The following TSPOAP1 variants were observed in gnomAD, a reference collection of about 807,000 sequenced individuals.
The protein encoded by TSPOAP1 is peripheral-type benzodiazepine receptor-associated protein 1.
TSPOAP1 carries 87 observed loss-of-function variants against 197.0 expected under a neutral mutation model. The ratio of observed to expected loss-of-function variants is 0.44; its 90% CI spans 0.37 to 0.53. The LOEUF is 0.53. Among genes scored for constraint, TSPOAP1 ranks in the 20% least tolerant of loss-of-function variants. The pLI, the probability that TSPOAP1 is intolerant of heterozygous loss-of-function variation, is 0.00. For missense variants in TSPOAP1, 2,174 were observed against 2,411.3 expected, an observed-to-expected ratio of 0.90 and a Z score of 2.06; for synonymous variants, 913 against 998.9, an observed-to-expected ratio of 0.91 and a Z score of 1.62.
intron 16 of TSPOAP1, among the ~76,000 whole-genome samples, chr17:58,315,074 T>C (rs898863159): frequency 6.6e-6 from 1 of 151,628 alleles, no homozygotes; most frequent in Non-Finnish European, 1.5e-5. Context: ...TTGGGTGGGG[T>C]TTTTTTTTCT....
At chr17:58,323,684 G>A (rs187970366) in intron 5 of TSPOAP1, 139 bp from the exon 6 acceptor site, 2 of 830,158 alleles carry the variant, frequency 2.4e-6, no homozygotes, top group Middle Eastern at 3.5e-4. Flanking sequence ...GAGCAAAGAG[G>A]GGTACTGTCT....
Position 58,311,020 on chromosome 17 carries a change from G to A in TSPOAP1, c.3275C>T (p.Pro1092Leu), listed in dbSNP as rs750946221. ...CGCTCTGGCCTCTGGGCTTGGGTGC[G>A]GTGAGGGGCAGGAGACTCGGGCTGG... ...SLPARVSCPS[P>L]HPSPEARAPL... is the part of the protein sequence containing the mutation. The change falls in exon 19 of 32, where the codon CCG becomes CTG. Residue 1092 changes from proline to leucine, a missense_variant. Physicochemically the swap from Pro to Leu is moderately conservative, Grantham distance 98 (BLOSUM62 -3). This residue lies in a region of TSPOAP1 where 1,933 missense variants were observed against 2,139.0 expected (regional missense o/e 0.90). Coordinates refer to ENST00000343736, the MANE Select transcript of TSPOAP1 (RefSeq NM_004758.4). 2.3e-5 allele frequency: 37 copies of A among 1,595,414 alleles called. No individual in the cohort carries two copies. Among genetic ancestry groups the A allele is most frequent in the Middle Eastern group, 1.8e-4 (1 of 5,700 alleles).
At position 58,304,962 on chromosome 17, in the gene TSPOAP1, C is replaced by G. The variant is rs1483288861; in HGVS notation, c.5544+99G>C. 1.1e-6 allele frequency: 1 copy of G among 908,156 alleles called. No homozygotes were observed. The highest frequency in any genetic ancestry group is 1.8e-6 in the Non-Finnish European group (1 of 542,240). The allele number at this position is 908,156 out of a possible 1,614,324, so 56.3% of individuals were successfully genotyped here. On this transcript the variant is annotated intron_variant, in intron 30 of 31. Transcript: ENST00000343736. This position sits in a 1 kb window ranked among gnomAD's most constrained non-coding sequence, Gnocchi z 4.2. The stretch of plus-strand genomic sequence containing the variant: ...TGGACACAGTGCTTACCTGCATGAC[C>G]ACCCCAGCTGCACCCCTGCCGCAAC...
At position 58,309,202 on chromosome 17, in the gene TSPOAP1, G is replaced by A. The variant is rs1198271052; in HGVS notation, c.4070C>T (p.Pro1357Leu). 1.9e-6 allele frequency: 3 copies of A among 1,613,938 alleles called. No homozygotes were observed. Among genetic ancestry groups the A allele is most frequent in the Non-Finnish European group, 1.7e-6 (2 of 1,180,026 alleles). The change falls in exon 22 of 32, where the codon CCT becomes CTT. Residue 1357 changes from proline (P) to leucine (L), a missense_variant. By Grantham distance (98) the Pro-to-Leu change is moderately conservative. Transcript: ENST00000343736. The surrounding 1 kb of genome is among the most constrained non-coding windows in gnomAD (Gnocchi z 5.0). The part of the protein sequence containing the change: ...KSGAGCSSRD[P>L]GPPEPALLGL... ...CAGCAATGCAGGTTCAGGCGGGCCA[G>A]GGTCTCGGGAAGAACAGCCTGCCCC...
Position 58,323,396 on chromosome 17 carries a change from C to T in TSPOAP1, c.1021-15G>A, listed in dbSNP as rs895995572. ...AGCTCCGATTCCTGAGGGGTCAGAACCAAGTGCTCCTCATGAGGGAAGGTA... is the reference window on the plus strand; with the variant it reads ...AGCTCCGATTCCTGAGGGGTCAGAATCAAGTGCTCCTCATGAGGGAAGGTA... On this transcript the variant is annotated splice_polypyrimidine_tract_variant and intron_variant, in intron 6 of 31. Transcript: ENST00000343736. The T allele has an allele frequency of 1.4e-5, 22 of 1,614,252 alleles. No homozygotes were observed. Among genetic ancestry groups the T allele is most frequent in the Non-Finnish European group, 1.9e-5 (22 of 1,180,034 alleles).
intron 4 of TSPOAP1, 110 bp from the exon 5 acceptor site, chr17:58,325,112 A>C: frequency 2.1e-6 from 2 of 948,202 alleles, no homozygotes; most frequent in East Asian, 5.3e-5. Flanking sequence ...GATGCGCGAG[A>C]CTGTGCACAC....
Position 58,307,345 on chromosome 17 carries a change from A to T in TSPOAP1, c.4983+266T>A, listed in dbSNP as rs116225286. On this transcript the variant is annotated intron_variant, in intron 24 of 31. Coordinates refer to ENST00000343736, the MANE Select transcript of TSPOAP1 (RefSeq NM_004758.4). ...AGTTTAAGCACTTTATGTACATTGGATCATTTAATCCACAAAACACCCTGT... is the reference window on the plus strand; with the variant it reads ...AGTTTAAGCACTTTATGTACATTGGTTCATTTAATCCACAAAACACCCTGT... 1.3e-3 allele frequency: 713 copies of T among 554,780 alleles called. 7 individuals carry two copies. Among genetic ancestry groups the T allele is most frequent in the African/African-American group, 0.012 (652 of 53,396 alleles). 34.4% of individuals were successfully genotyped at this position (554,780 alleles called of 1,614,324 possible).
chr17:58,307,983 C>T (rs1970954868), intron 22 of TSPOAP1, 42 bp from the exon 23 acceptor site: 2 of 1,555,458 alleles, frequency 1.3e-6, no homozygotes, highest in Non-Finnish European at 1.7e-6. Flanking sequence ...AACACACCAT[C>T]CCTCTGGTGG....
At chr17:58,319,878 C>G (rs1167008512) in intron 12 of TSPOAP1, among the ~76,000 whole-genome samples, 1 of 152,204 alleles carries the variant, frequency 6.6e-6, no homozygotes, top group Non-Finnish European at 1.5e-5. Flanking sequence ...TCCTCATGAT[C>G]AGGGTGGCTA....
Position 58,311,527 on chromosome 17 carries a change from A to G in TSPOAP1, c.3081+44T>C, listed in dbSNP as rs982744043. On this transcript the variant is annotated intron_variant, in intron 18 of 31. Transcript: ENST00000343736. ...GCCTAGACCTCTGAGCATAGCAAGA[A>G]GGGACCCACCCCCACTCCCAGGGTA... is the stretch of plus-strand genomic sequence containing the variant. The G allele has an allele frequency of 2.0e-6, 3 of 1,520,602 alleles. No homozygotes were observed. In the African/African-American group the frequency reaches 4.2e-5, roughly 21 times the overall value. The allele number at this position is 1,520,602 out of a possible 1,614,324, so 94.2% of individuals were successfully genotyped here. A position where few individuals can be genotyped will look rare whatever the true frequency, so the allele number is the denominator to read the frequency against.
At chr17:58,307,806 C>A in intron 23 of TSPOAP1, 36 bp downstream of exon 23, 1 of 1,613,566 alleles carries the variant, frequency 6.2e-7, no homozygotes, top group Non-Finnish European at 8.5e-7. Context: ...GAGCTCTGGC[C>A]GAGCAGCTCT....
intron 20 of TSPOAP1, 61 bp from the exon 21 acceptor site, chr17:58,310,219 G>T (rs1192694083): frequency 6.5e-7 from 1 of 1,527,628 alleles, no homozygotes; most frequent in African/African-American, 1.4e-5. Context: ...GGGGGTTCCA[G>T]GCAGGGTCAG....
intron 13 of TSPOAP1, 97 bp from the exon 14 acceptor site, chr17:58,318,549 T>C (rs1216401009): frequency 1.6e-6 from 2 of 1,224,470 alleles, no homozygotes; most frequent in Non-Finnish European, 1.1e-6. Flanking sequence ...AGGCCCTCCA[T>C]AGCCGGGCTT....
chr17:58,306,761 G>T, intron 25 of TSPOAP1, 39 bp downstream of exon 25: 1 of 1,584,784 alleles, frequency 6.3e-7, no homozygotes, highest in South Asian at 1.1e-5. Context: ...TTGGAAGGGG[G>T]CTGGTGGGAG....
At position 58,328,422 on chromosome 17, in the gene TSPOAP1, A is replaced by T. The variant is rs1971722979; in HGVS notation, c.-502T>A. 1 of 174,094 alleles carries T rather than the reference A, an allele frequency of 5.7e-6. No individual in the cohort carries two copies. The highest frequency in any genetic ancestry group is 1.3e-5 in the Non-Finnish European group (1 of 79,316). The allele number at this position is 174,094 out of a possible 1,614,324, so 10.8% of individuals were successfully genotyped here. On this transcript the variant is annotated 5_prime_UTR_variant, in exon 1 of 32. Coordinates refer to ENST00000343736, the MANE Select transcript of TSPOAP1 (RefSeq NM_004758.4). This position sits in a 1 kb window ranked among gnomAD's most constrained non-coding sequence, Gnocchi z 4.3. ...GGTGTCTGTATTGCAGGGCTGTGGCAGTATGTGATGCTGTCCCTGGTTGTA... is the reference window on the plus strand; with the variant it reads ...GGTGTCTGTATTGCAGGGCTGTGGCTGTATGTGATGCTGTCCCTGGTTGTA...
rs374389309 is a variant in TSPOAP1 at position 58,320,619 on chromosome 17, G to A, written c.1423-38C>T. 5.8e-6 allele frequency: 8 copies of A among 1,390,110 alleles called. No homozygotes were observed. In the Admixed American group the frequency reaches 1.3e-4, roughly 23 times the overall value. 86.1% of individuals were successfully genotyped at this position (1,390,110 alleles called of 1,614,324 possible). On this transcript the variant is annotated intron_variant, in intron 10 of 31. Transcript: ENST00000343736. ...GGAACCAAAATACTGGAGGGAAGGA[G>A]AAGGAATGGGGTGGAGTAGAGAGGG...
At chr17:58,306,253 G>A in intron 26 of TSPOAP1, 89 bp downstream of exon 26, 1 of 1,300,320 alleles carries the variant, frequency 7.7e-7, no homozygotes, top group Non-Finnish European at 1.1e-6. Flanking sequence ...CATCCTCCCA[G>A]CACCTGAGAG....
rs1250587458 is a variant in TSPOAP1, at chr17:58,302,171, G to C, written c.*309C>G. The C allele has an allele frequency of 6.3e-6, 7 of 1,115,514 alleles. No homozygotes were observed. The highest frequency in any genetic ancestry group is 1.5e-5 in the South Asian group (1 of 68,334). The allele number at this position is 1,115,514 out of a possible 1,614,324, so 69.1% of individuals were successfully genotyped here. A position where few individuals can be genotyped will look rare whatever the true frequency, so the allele number is the denominator to read the frequency against. Reference sequence around the variant, plus strand: ...TGCCACAGTGTTAACGCAGAAGAACGGGGGCTCTGGGCCCAGTCTGAGCCT... The same window carrying C: ...TGCCACAGTGTTAACGCAGAAGAACCGGGGCTCTGGGCCCAGTCTGAGCCT... On this transcript the variant is annotated 3_prime_UTR_variant, in exon 32 of 32. Transcript: ENST00000343736.
In TSPOAP1 at chr17:58,314,577, G is replaced by A. The variant is rs919056983; in HGVS notation, c.2098+1446C>T. Among the ~76,000 whole-genome samples the A allele has an allele frequency of 2.4e-4, 37 of 152,236 alleles. 1 individual carries two copies. The highest frequency in any genetic ancestry group is 8.4e-4 in the African/African-American group (35 of 41,466). ...CCGTAAGCTAAAAGAGACAAGGAAC[G>A]GAACCTCCCCTAGAGCCCCCAAGGG... On this transcript the variant is annotated intron_variant, in intron 16 of 31. Transcript: ENST00000343736.
Sources: allele counts gnomAD v4.1 joint callset (sites outside exome capture counted in the v4.1 genomes callset), GRCh38; gene constraint gnomAD v4.1.1; regional missense constraint gnomAD v4.1.1; non-coding constraint Gnocchi (gnomAD v3.1); transcripts MANE v1.5; gene names NCBI Gene and HGNC (gene_info 2026-07-23, HGNC 2026-07-21).